The following SPATA17 variants were observed in gnomAD, a reference collection of about 807,000 sequenced individuals.
SPATA17 encodes spermatogenesis associated 17.
A neutral mutation model predicts 62.2 loss-of-function variants in SPATA17; 53 were observed. The ratio of observed to expected loss-of-function variants is 0.85; its 90% confidence interval spans 0.68 to 1.07. SPATA17 has a LOEUF of 1.07. Ranked by LOEUF, SPATA17 falls within the 50% of genes least tolerant of loss-of-function variation. The pLI is 0.00. For missense variants in SPATA17, 466 were observed against 425.5 expected, an observed-to-expected ratio of 1.10 and a Z score of -0.84; for synonymous variants, 146 against 146.8, an observed-to-expected ratio of 0.99 and a Z score of 0.04.
At chr1:217,779,522 C>G (rs1476036861) in intron 7 of SPATA17, among the ~76,000 whole-genome samples, 1 of 151,644 alleles carries the variant, frequency 6.6e-6, no homozygotes, top group Non-Finnish European at 1.5e-5. Flanking sequence ...TCTCTTGTTT[C>G]CTTCCTTCTC....
chr1:217,810,503 T>C (rs1674560553), intron 9 of SPATA17, among the ~76,000 whole-genome samples: 1 of 152,056 alleles, frequency 6.6e-6, no homozygotes, highest in African/African-American at 2.4e-5. Context: ...ACACCTGTAA[T>C]CTCAGCTACT....
At chr1:217,673,021 T>TA (rs1035203386) in intron 4 of SPATA17, among the ~76,000 whole-genome samples, 2 of 152,006 alleles carry the variant, frequency 1.3e-5, no homozygotes, top group African/African-American at 2.4e-5. Flanking sequence ...AAACAAGGAG[T>TA]AAAAAAAGTC....
chr1:217,834,622 T>C lies in SPATA17; in HGVS notation c.1006-28152T>C, dbSNP rs541385640. 8.5e-5 allele frequency among the ~76,000 whole-genome samples: 13 copies of C among 152,268 alleles called. No homozygotes were observed. In the East Asian group the frequency reaches 2.5e-3, roughly 29 times the overall value. On this transcript the variant is annotated intron_variant, in intron 9 of 10. Coordinates refer to ENST00000366933, the MANE Select transcript of SPATA17 (RefSeq NM_138796.4). The stretch of plus-strand genomic sequence containing the variant: ...AAGGAAAAATGTTTTTGTACAGCTG[T>C]ACAGTGTGTTCATGTTTTAAGCTGT...
chr1:217,834,791 A>G (rs1455110545), intron 9 of SPATA17, among the ~76,000 whole-genome samples: 2 of 152,192 alleles, frequency 1.3e-5, no homozygotes, highest in Non-Finnish European at 2.9e-5. Flanking sequence ...CAGTGTTTAT[A>G]TATGAAGTCT....
intron 6 of SPATA17, among the ~76,000 whole-genome samples, chr1:217,751,400 C>T (rs902478688): frequency 6.6e-6 from 1 of 152,136 alleles, no homozygotes; most frequent in Admixed American, 6.6e-5. Context: ...TCTTTGGATC[C>T]ATAGTTTAAG....
intron 8 of SPATA17, among the ~76,000 whole-genome samples, chr1:217,790,873 C>T (rs6669620): frequency 0.77 from 116,627 of 152,238 alleles, 45,080 homozygotes; most frequent in Non-Finnish European, 0.81. Context: ...ATGTGGCATA[C>T]ACGGGTAAGC....
At chr1:217,661,328 G>A (rs1019548984) in intron 3 of SPATA17, among the ~76,000 whole-genome samples, 2 of 151,974 alleles carry the variant, frequency 1.3e-5, no homozygotes, top group African/African-American at 2.4e-5. Flanking sequence ...GTTGTCAAAT[G>A]TGAAGTTCAA....
chr1:217,713,454 A>G (rs1239457335), intron 5 of SPATA17, among the ~76,000 whole-genome samples: 1 of 152,202 alleles, frequency 6.6e-6, no homozygotes, highest in Non-Finnish European at 1.5e-5. Context: ...GAGATGACTC[A>G]TTAGGGCACC....
chr1:217,634,761 A>G (rs758841403), intron 1 of SPATA17, among the ~76,000 whole-genome samples: 1 of 152,252 alleles, frequency 6.6e-6, no homozygotes, highest in Non-Finnish European at 1.5e-5. Context: ...AAGTTAGTTC[A>G]GCCTATGTCA....
At chr1:217,704,325 A>C (rs1671682876) in intron 5 of SPATA17, among the ~76,000 whole-genome samples, 1 of 134,164 alleles carries the variant, frequency 7.5e-6, no homozygotes, top group Admixed American at 8.9e-5. Context: ...ATCTCGGCTC[A>C]CTGCAAGCTC....
chr1:217,843,537 G>A (rs1675459319), intron 9 of SPATA17, among the ~76,000 whole-genome samples: 1 of 151,916 alleles, frequency 6.6e-6, no homozygotes, highest in African/African-American at 2.4e-5. Context: ...ATTTTTTGAG[G>A]CCTTGAATGT....
intron 5 of SPATA17, among the ~76,000 whole-genome samples, chr1:217,698,878 T>C (rs1415853310): frequency 6.6e-6 from 1 of 152,206 alleles, no homozygotes; most frequent in Non-Finnish European, 1.5e-5. Context: ...CACACTCCCC[T>C]CACACCATCC....
intron 9 of SPATA17, among the ~76,000 whole-genome samples, chr1:217,858,888 C>T (rs113089431): frequency 0.048 from 7,319 of 151,706 alleles, 571 homozygotes; most frequent in African/African-American, 0.16. Context: ...ATTAGCCAGG[C>T]GTGGTGATGT....
intron 4 of SPATA17, 152 bp from the exon 5 acceptor site, chr1:217,683,106 A>G (rs758835659): frequency 4.8e-5 from 18 of 374,820 alleles, no homozygotes; most frequent in Non-Finnish European, 7.4e-5. Flanking sequence ...CAGAACCTAT[A>G]TTTACAACTA....
At chr1:217,832,665 G>A (rs1294879407) in intron 9 of SPATA17, among the ~76,000 whole-genome samples, 4 of 152,036 alleles carry the variant, frequency 2.6e-5, no homozygotes, top group Non-Finnish European at 5.9e-5. Context: ...ACTTTTGGCT[G>A]GGCACAGTTG....
intron 5 of SPATA17, among the ~76,000 whole-genome samples, chr1:217,690,471 TTA>T (rs1671323742): frequency 3.4e-5 from 1 of 29,752 alleles, no homozygotes; most frequent in East Asian, 5.0e-4. Context: ...ATTTTATTTT[TTA>T]TTTTTTTTTT....
At chr1:217,814,214 A>G (rs1243627675) in intron 9 of SPATA17, among the ~76,000 whole-genome samples, 3 of 152,230 alleles carry the variant, frequency 2.0e-5, no homozygotes, top group African/African-American at 7.2e-5. Flanking sequence ...ATGAACAAAC[A>G]TAATGGAACA....
chr1:217,725,492 T>C (rs1672239205), intron 5 of SPATA17, among the ~76,000 whole-genome samples: 1 of 152,218 alleles, frequency 6.6e-6, no homozygotes, highest in Admixed American at 6.5e-5. Context: ...AGATAGAGTC[T>C]TGCTCTGTCA....
chr1:217,776,712 C>T (rs955372657), intron 7 of SPATA17, among the ~76,000 whole-genome samples: 16 of 151,374 alleles, frequency 1.1e-4, no homozygotes, highest in Non-Finnish European at 4.4e-5. Context: ...CAACCATGAC[C>T]GTGATCTCAT....
Sources: allele counts gnomAD v4.1 joint callset (sites outside exome capture counted in the v4.1 genomes callset), GRCh38; gene constraint gnomAD v4.1.1; transcripts MANE v1.5; gene names NCBI Gene and HGNC (gene_info 2026-07-23, HGNC 2026-07-21).